FAF1: variants seen among roughly 807,000 people sequenced by gnomAD.
FAF1 encodes Fas associated factor 1.
FAF1 carries 25 observed loss-of-function variants against 92.5 expected under a neutral mutation model. The observed-to-expected ratio is 0.27, with a 90% confidence interval of 0.20 to 0.38. The LOEUF is 0.38. FAF1 is among the 10% of genes least tolerant of loss of function. The probability of loss-of-function intolerance (pLI) is 1.00; values close to 1 mark genes in which losing one functional copy is unlikely to be tolerated. For synonymous variants in FAF1, 234 were observed against 273.2 expected (o/e 0.86, Z 1.42); for missense variants, 636 against 793.3 (o/e 0.80, Z 2.38).
chr1:50,479,736 T>C (rs766000153), intron 17 of FAF1, among the ~76,000 whole-genome samples: 9 of 152,228 alleles, frequency 5.9e-5, no homozygotes, highest in East Asian at 3.8e-4. Flanking sequence ...TCATTCATTA[T>C]ACAGACAATG....
chr1:50,488,891 GAC>G (rs1646797475), intron 17 of FAF1, among the ~76,000 whole-genome samples: 1 of 152,114 alleles, frequency 6.6e-6, no homozygotes, highest in South Asian at 2.1e-4. Flanking sequence ...TTCCATTATT[GAC>G]AGTCCTCAGA....
intron 2 of FAF1, among the ~76,000 whole-genome samples, chr1:50,816,667 G>A (rs1278366384): frequency 2.0e-5 from 3 of 152,086 alleles, no homozygotes; most frequent in Non-Finnish European, 4.4e-5. Context: ...CTTTTGCTCG[G>A]CAGAAGCTCT....
At chr1:50,623,725 T>TG (rs1321350069) in intron 8 of FAF1, among the ~76,000 whole-genome samples, 2 of 151,980 alleles carry the variant, frequency 1.3e-5, no homozygotes, top group Admixed American at 6.5e-5. Flanking sequence ...GAGGATCACT[T>TG]GAGCCCAGGT....
chr1:50,712,899 C>T (rs1183028029), intron 6 of FAF1, among the ~76,000 whole-genome samples: 2 of 151,918 alleles, frequency 1.3e-5, no homozygotes, highest in Admixed American at 6.6e-5. Context: ...CTGTGGCTCA[C>T]ACCTGTAATC....
chr1:50,662,811 C>T (rs1655442251), intron 7 of FAF1, among the ~76,000 whole-genome samples: 2 of 145,522 alleles, frequency 1.4e-5, no homozygotes, highest in Admixed American at 1.4e-4. Context: ...CGTCATTCTC[C>T]TGCCTCAGCC....
At chr1:50,516,333 C>T (rs902966324) in intron 15 of FAF1, among the ~76,000 whole-genome samples, 3 of 152,134 alleles carry the variant, frequency 2.0e-5, no homozygotes, top group Non-Finnish European at 4.4e-5. Flanking sequence ...TGTTCGTGGA[C>T]TATATCCCTC....
At chr1:50,606,405 C>T (rs1208490082) in intron 8 of FAF1, among the ~76,000 whole-genome samples, 2 of 146,628 alleles carry the variant, frequency 1.4e-5, no homozygotes, top group East Asian at 4.0e-4. Flanking sequence ...AGAAGGGTTT[C>T]TTATCATTTC....
rs191538921 is a variant in FAF1, at chr1:50,920,428, C to T, written c.45+39339G>A. Reference sequence around the variant, plus strand: ...CTACTGCAGATGACAGACATTGTCCCTGATTGCCTGGCTCATGTCACTGAT... The same window carrying T: ...CTACTGCAGATGACAGACATTGTCCTTGATTGCCTGGCTCATGTCACTGAT... On this transcript the variant is annotated intron_variant, in intron 1 of 18. Coordinates refer to ENST00000396153, the MANE Select transcript of FAF1 (RefSeq NM_007051.3). Among the ~76,000 whole-genome samples, 337 of 152,256 alleles carry T rather than the reference C, an allele frequency of 2.2e-3. 1 individual carries two copies. Among genetic ancestry groups the T allele is most frequent in the African/African-American group, 7.8e-3 (325 of 41,550 alleles).
intron 7 of FAF1, among the ~76,000 whole-genome samples, chr1:50,671,732 A>AT (rs377442041): frequency 0.013 from 1,931 of 143,072 alleles, 16 homozygotes; most frequent in African/African-American, 0.016. Context: ...GAACATTTTA[A>AT]TTTTTTTTTT....
chr1:50,524,958 T>C (rs1012120907), intron 15 of FAF1, among the ~76,000 whole-genome samples: 1 of 152,098 alleles, frequency 6.6e-6, no homozygotes, highest in Non-Finnish European at 1.5e-5. Context: ...AGATCTTGGC[T>C]CACTGTAACC....
At chr1:50,793,166 G>A (rs942329206) in intron 3 of FAF1, among the ~76,000 whole-genome samples, 2 of 152,028 alleles carry the variant, frequency 1.3e-5, no homozygotes, top group African/African-American at 4.8e-5. Flanking sequence ...AGTCACTTCC[G>A]GTTTCCAAAC....
intron 1 of FAF1, among the ~76,000 whole-genome samples, chr1:50,934,109 C>G (rs1645068557): frequency 6.6e-6 from 1 of 152,066 alleles, no homozygotes; most frequent in Non-Finnish European, 1.5e-5. Context: ...CTATATTTCT[C>G]CTATTTATTA....
intron 1 of FAF1, among the ~76,000 whole-genome samples, chr1:50,880,044 A>T (rs1326439550): frequency 6.6e-6 from 1 of 152,244 alleles, no homozygotes; most frequent in Non-Finnish European, 1.5e-5. Context: ...ATTTATGCTA[A>T]AGCAAACACA....
At chr1:50,763,276 A>G (rs1660423004) in intron 4 of FAF1, among the ~76,000 whole-genome samples, 1 of 152,104 alleles carries the variant, frequency 6.6e-6, no homozygotes, top group Non-Finnish European at 1.5e-5. Flanking sequence ...AATACATAAA[A>G]TATAAAATAA....
At chr1:50,646,074 C>T (rs1002268911) in intron 8 of FAF1, among the ~76,000 whole-genome samples, 2 of 152,044 alleles carry the variant, frequency 1.3e-5, no homozygotes, top group African/African-American at 2.4e-5. Context: ...CCCATGTAAT[C>T]TTCACAATAG....
intron 2 of FAF1, among the ~76,000 whole-genome samples, chr1:50,838,780 C>T (rs189786114): frequency 3.9e-5 from 6 of 152,102 alleles, no homozygotes; most frequent in Admixed American, 6.6e-5. Context: ...ATAAAGAACA[C>T]ATCACTATTA....
At chr1:50,484,627 T>C (rs1646741826) in intron 17 of FAF1, among the ~76,000 whole-genome samples, 1 of 152,102 alleles carries the variant, frequency 6.6e-6, no homozygotes, top group Non-Finnish European at 1.5e-5. Context: ...GGGATGATTA[T>C]AATTATGGCC....
intron 18 of FAF1, among the ~76,000 whole-genome samples, chr1:50,446,896 C>T (rs541838075): frequency 2.6e-5 from 4 of 151,958 alleles, no homozygotes; most frequent in Non-Finnish European, 4.4e-5. Flanking sequence ...GATTAGGAAA[C>T]AAGACCCAGA....
At chr1:50,942,851 G>C (rs558868220) in intron 1 of FAF1, among the ~76,000 whole-genome samples, 1 of 152,020 alleles carries the variant, frequency 6.6e-6, no homozygotes, top group South Asian at 2.1e-4. Flanking sequence ...ATTGCGTTAC[G>C]GGAGAGGAAC....
Sources: allele counts gnomAD v4.1 joint callset (sites outside exome capture counted in the v4.1 genomes callset), GRCh38; gene constraint gnomAD v4.1.1; transcripts MANE v1.5; gene names NCBI Gene and HGNC (gene_info 2026-07-23, HGNC 2026-07-21).